Variants in CRLF1 observed in about 807,000 individuals in gnomAD.
CRLF1 encodes the protein cytokine receptor-like factor 1.
CRLF1 carries 36 observed loss-of-function variants against 48.9 expected under a neutral mutation model. The ratio of observed to expected loss-of-function variants is 0.74; its 90% CI spans 0.56 to 0.97. The LOEUF is 0.97. CRLF1 is among the 50% of genes least tolerant of loss of function. The pLI, the probability that CRLF1 is intolerant of heterozygous loss-of-function variation, is 0.00. For synonymous variants in CRLF1, 256 were observed against 253.4 expected (o/e 1.01, Z -0.10); for missense variants, 534 against 575.1 (o/e 0.93, Z 0.73).
intron 4 of CRLF1, among the ~76,000 whole-genome samples, chr19:18,597,404 C>G (rs1005377448): frequency 6.6e-6 from 1 of 151,090 alleles, no homozygotes; most frequent in Non-Finnish European, 1.5e-5. Flanking sequence ...CCTGCCACCC[C>G]CTCCCCACTC....
At chr19:18,594,551 G>T (rs935706399) in intron 6 of CRLF1, 117 bp from the exon 7 acceptor site, 11 of 784,898 alleles carry the variant, frequency 1.4e-5, no homozygotes, top group Non-Finnish European at 1.9e-5. Flanking sequence ...CTCCCTCCCC[G>T]TTTCTCAAGG....
At chr19:18,595,386 T>C (rs1236889387) in intron 6 of CRLF1, among the ~76,000 whole-genome samples, 1 of 152,218 alleles carries the variant, frequency 6.6e-6, no homozygotes, top group Non-Finnish European at 1.5e-5. Flanking sequence ...GGGAGCTGGC[T>C]GGAGCCTGAC....
intron 4 of CRLF1, 33 bp downstream of exon 4, chr19:18,598,399 G>T: frequency 1.9e-6 from 3 of 1,588,050 alleles, no homozygotes; most frequent in Non-Finnish European, 2.6e-6. Context: ...GGCTGGTGCC[G>T]AGGGAGGGGC....
chr19:18,593,667 T>C, intron 8 of CRLF1, 88 bp from the exon 9 acceptor site: 3 of 1,551,016 alleles, frequency 1.9e-6, no homozygotes, highest in Middle Eastern at 1.7e-4. Flanking sequence ...ATTCGTGTCC[T>C]GTCCCCACCG....
chr19:18,596,498 C>G (rs750880155), intron 6 of CRLF1, 124 bp downstream of exon 6: 69 of 1,207,920 alleles, frequency 5.7e-5, no homozygotes, highest in Non-Finnish European at 7.4e-5. Context: ...GCAGATCACA[C>G]CACTATGCGA....
At chr19:18,605,978 C>A (rs1011358027) in intron 1 of CRLF1, among the ~76,000 whole-genome samples, 1 of 152,050 alleles carries the variant, frequency 6.6e-6, no homozygotes, top group Non-Finnish European at 1.5e-5. Context: ...ACTCCGCGGA[C>A]CCCCGTGCGC....
At position 18,593,382 on chromosome 19, in the gene CRLF1, G is replaced by A; in HGVS notation, c.*184C>T. ...TCACACACACACACACACCCACTGG[G>A]GTGCACCCAAAGGTGGCCTCACGTG... On this transcript the variant is annotated 3_prime_UTR_variant, in exon 9 of 9. Coordinates refer to ENST00000392386, the MANE Select transcript of CRLF1 (RefSeq NM_004750.5). 1 of 737,918 alleles carries A rather than the reference G, an allele frequency of 1.4e-6. No homozygotes were observed. The allele number at this position is 737,918 out of a possible 1,614,324, so 45.7% of individuals were successfully genotyped here.
At chr19:18,605,520 C>T (rs1395824265) in intron 1 of CRLF1, among the ~76,000 whole-genome samples, 2 of 152,196 alleles carry the variant, frequency 1.3e-5, no homozygotes, top group East Asian at 1.9e-4. Flanking sequence ...GGTCGCCTCC[C>T]CTGTGGGATG....
Position 18,599,582 on chromosome 19 carries a change from G to A in CRLF1, c.380C>T (p.Ser127Phe). ...HARDGSILAG[S>F]CLYVGLPPEK... ...CAACTTACGGCCAACATAGAGGCAGGAGCCAGCCAGGATGCTGCCGTCACG... is the reference window on the plus strand; with the variant it reads ...CAACTTACGGCCAACATAGAGGCAGAAGCCAGCCAGGATGCTGCCGTCACG... The change falls in exon 2 of 9, where the codon TCC becomes TTC. Residue 127 changes from serine (S) to phenylalanine (F), a missense_variant. Physicochemically the swap from Ser to Phe is radical, Grantham distance 155. This residue lies in a region of CRLF1 where 528 missense variants were observed against 555.7 expected (regional missense o/e 0.95). Coordinates refer to ENST00000392386, the MANE Select transcript of CRLF1 (RefSeq NM_004750.5). 1.2e-6 allele frequency: 2 copies of A among 1,612,478 alleles called. No homozygotes were observed. Among genetic ancestry groups the A allele is most frequent in the Non-Finnish European group, 1.7e-6 (2 of 1,180,024 alleles).
intron 1 of CRLF1, among the ~76,000 whole-genome samples, chr19:18,603,223 A>C (rs1976242028): frequency 6.6e-6 from 1 of 152,270 alleles, no homozygotes; most frequent in South Asian, 2.1e-4. Context: ...AGCAGCAGGA[A>C]AAAGGAATAA....
rs749910321 is a variant in CRLF1 at position 18,599,730 on chromosome 19, G to C, written c.232C>G (p.Leu78Val). The C allele has an allele frequency of 2.5e-6, 4 of 1,606,056 alleles. No homozygotes were observed. In the Admixed American group the frequency reaches 6.9e-5, roughly 28 times the overall value. Residue 78 changes from leucine to valine, a missense_variant, in exon 2 of 9, where the codon CTC becomes GTC. Physicochemically the swap from Leu to Val is conservative, Grantham distance 32. This residue lies in a region of CRLF1 where 528 missense variants were observed against 555.7 expected (regional missense o/e 0.95). Transcript: ENST00000392386. ...GATAEGLYWT[L>V]NGRRLPPELS... ...TCAGGGGGCAGGCGGCGCCCGTTGAGGGTCCAGTAGAGGCCCTCGGCGGTG... is the reference window on the plus strand; with the variant it reads ...TCAGGGGGCAGGCGGCGCCCGTTGACGGTCCAGTAGAGGCCCTCGGCGGTG...
intron 2 of CRLF1, 74 bp downstream of exon 2, chr19:18,599,491 C>T (rs1976189510): frequency 6.3e-7 from 1 of 1,598,022 alleles, no homozygotes. Flanking sequence ...AGAAGGCCCA[C>T]AATTCATGCC....
Position 18,599,632 on chromosome 19 carries a change from C to T in CRLF1, c.330G>A (p.Ser110=), listed in dbSNP as rs1301659724. The T allele has an allele frequency of 5.0e-6, 8 of 1,613,302 alleles. No homozygotes were observed. Among genetic ancestry groups the T allele is most frequent in the East Asian group, 2.2e-5 (1 of 44,890 alleles). The change falls in exon 2 of 9, where the codon TCG becomes TCA. Residue 110 remains serine (S), a synonymous_variant. Coordinates refer to ENST00000392386, the MANE Select transcript of CRLF1 (RefSeq NM_004750.5). ...GGGCGTGGCACACGAGGTTGTCCCC[C>T]GACCGCTGCCTGGACCCATTGAGGT... The part of the protein sequence containing the change: ...LANLNGSRQR[S]GDNLVCHARD...
chr19:18,600,199 G>A (rs1183564559), intron 1 of CRLF1, among the ~76,000 whole-genome samples: 4 of 152,066 alleles, frequency 2.6e-5, no homozygotes, highest in Non-Finnish European at 5.9e-5. Flanking sequence ...CAAACACTAT[G>A]CTTTGCTTTT....
intron 1 of CRLF1, among the ~76,000 whole-genome samples, chr19:18,601,936 T>G (rs1230996310): frequency 6.6e-6 from 1 of 152,234 alleles, no homozygotes; most frequent in South Asian, 2.1e-4. Context: ...CCTGGCAAAC[T>G]GCACGTCCCC....
rs954756781 is a variant in CRLF1, at chr19:18,596,806, A to G, written c.856-16T>C. On this transcript the variant is annotated splice_polypyrimidine_tract_variant and intron_variant, in intron 5 of 8. Transcript: ENST00000392386. ...CGTCCACCACCTGGACAGTGAGGAC[A>G]AGGTCAGAGTAGAGGGCGGGGCCTA... The G allele has an allele frequency of 1.7e-5, 27 of 1,613,658 alleles. No individual in the cohort carries two copies. The highest frequency in any genetic ancestry group is 1.7e-4 in the Middle Eastern group (1 of 6,058).
At chr19:18,594,024 C>T in intron 8 of CRLF1, 41 bp downstream of exon 8, 5 of 1,477,020 alleles carry the variant, frequency 3.4e-6, no homozygotes, top group Non-Finnish European at 4.6e-6. Flanking sequence ...AAGGGGCCCT[C>T]CCCTTGCTCC....
chr19:18,598,648 C>A (rs773938512), intron 3 of CRLF1, 47 bp from the exon 4 acceptor site: 11 of 1,613,638 alleles, frequency 6.8e-6, no homozygotes, highest in Non-Finnish European at 9.3e-6. Flanking sequence ...TCCTTGTGGC[C>A]CCCAGACCTC....
In CRLF1 at chr19:18,606,400, G is replaced by C. The variant is rs971516718; in HGVS notation, c.115+142C>G. ...CGCCGTGTGCCCCGCAGGTGAGGGCGCCCCGAGGGCTGCGCCGGGGGCGCC... is the reference window on the plus strand; with the variant it reads ...CGCCGTGTGCCCCGCAGGTGAGGGCCCCCCGAGGGCTGCGCCGGGGGCGCC... On this transcript the variant is annotated intron_variant, in intron 1 of 8. Transcript: ENST00000392386. The surrounding 1 kb of genome is among the most constrained non-coding windows in gnomAD (Gnocchi z 4.8). 6 of 561,206 alleles carry C rather than the reference G, an allele frequency of 1.1e-5. No homozygotes were observed. The Admixed American group carries it at 3.0e-4, about 28-fold the overall frequency. 34.8% of individuals were successfully genotyped at this position (561,206 alleles called of 1,614,324 possible). A position where few individuals can be genotyped will look rare whatever the true frequency, so the allele number is the denominator to read the frequency against.
Sources: gnomAD v4.1 joint callset for allele counts (sites outside exome capture counted in the v4.1 genomes callset) on GRCh38, gnomAD v4.1.1 for gene constraint, gnomAD v4.1.1 regional missense constraint, Gnocchi (gnomAD v3.1) non-coding constraint, MANE v1.5 for transcripts, NCBI Gene and HGNC (gene_info 2026-07-23, HGNC 2026-07-21) for gene names.